The following NEBL variants were observed in gnomAD, a reference collection of about 807,000 sequenced individuals.
The protein encoded by NEBL is LIM and SH3 protein 2.
Under a neutral mutation model 140.2 loss-of-function variants are expected in NEBL, and 122 were observed. The observed-to-expected ratio is 0.87, with a 90% confidence interval of 0.75 to 1.01. The LOEUF (loss-of-function observed/expected upper bound fraction) is 1.01. NEBL is among the 50% of genes least tolerant of loss of function. The pLI is 0.00. For missense variants in NEBL, 1,365 were observed against 1,231.3 expected (o/e 1.11, Z -1.62); for synonymous variants, 436 against 398.9 (o/e 1.09, Z -1.11).
intron 2 of NEBL, among the ~76,000 whole-genome samples, chr10:21,171,335 C>CAA (rs576463516): frequency 3.1e-4 from 21 of 66,696 alleles, no homozygotes; most frequent in Admixed American, 1.9e-3. Context: ...ACTTCTGTCT[C>CAA]AAAAAAAAAA....
rs191016583 is a variant in NEBL at position 20,864,298 on chromosome 10, G to A, written c.684+4366C>T. On this transcript the variant is annotated intron_variant, in intron 7 of 27. Transcript: ENST00000377122. ...CATATGCACCAATCCCTTCATCTTC[G>A]CATAGGAGATTTTTGTTTTAGTTTT... 3.2e-3 allele frequency among the ~76,000 whole-genome samples: 489 copies of A among 152,210 alleles called. 2 individuals carry two copies. The highest frequency in any genetic ancestry group is 0.011 in the African/African-American group (458 of 41,544).
At chr10:20,894,812 C>T (rs940879323) in intron 2 of NEBL, among the ~76,000 whole-genome samples, 1 of 150,354 alleles carries the variant, frequency 6.7e-6, no homozygotes, top group Non-Finnish European at 1.5e-5. Context: ...GCCTGTGGTC[C>T]CGGCTACTCG....
At chr10:20,900,367 T>G (rs1473502002), upstream of NEBL, among the ~76,000 whole-genome samples, 1 of 152,070 alleles carries the variant, frequency 6.6e-6, no homozygotes, top group Non-Finnish European at 1.5e-5. Flanking sequence ...AAAAACTGAG[T>G]TGACAGAAGT....
chr10:20,900,378 T>C (rs1423906277), upstream of NEBL, among the ~76,000 whole-genome samples: 2 of 152,102 alleles, frequency 1.3e-5, no homozygotes, highest in Non-Finnish European at 2.9e-5. Context: ...TGACAGAAGT[T>C]AATAAAAAGA....
chr10:21,177,690 C>G (rs1231380094), upstream of NEBL, among the ~76,000 whole-genome samples: 1 of 151,922 alleles, frequency 6.6e-6, no homozygotes, highest in African/African-American at 2.4e-5. Flanking sequence ...CCACCACGCC[C>G]GGCTAATTTT....
upstream of NEBL, among the ~76,000 whole-genome samples, chr10:20,901,536 T>G (rs1847869094): frequency 6.6e-6 from 1 of 152,120 alleles, no homozygotes; most frequent in Admixed American, 6.5e-5. Flanking sequence ...AAATAAAAAT[T>G]TATAATAAAC....
chr10:21,032,748 C>T (rs552442536), intron 2 of NEBL, among the ~76,000 whole-genome samples: 4 of 152,184 alleles, frequency 2.6e-5, no homozygotes, highest in African/African-American at 9.6e-5. Flanking sequence ...GAATCCAAAC[C>T]CCTGGCTCTC....
intron 1 of NEBL, among the ~76,000 whole-genome samples, chr10:21,258,206 G>A (rs1842688514): frequency 6.6e-6 from 1 of 151,538 alleles, no homozygotes; most frequent in Non-Finnish European, 1.5e-5. Context: ...GAGGATGGCT[G>A]GAGCCCAGAT....
intron 4 of NEBL, among the ~76,000 whole-genome samples, chr10:20,951,096 C>CTAGAATGTT (rs1283988754): frequency 6.6e-6 from 1 of 152,068 alleles, no homozygotes; most frequent in Non-Finnish European, 1.5e-5. Context: ...ATAGGCAAAC[C>CTAGAATGTT]TTATCTCTAT....
chr10:20,973,767 C>A (rs1479148900), intron 3 of NEBL, among the ~76,000 whole-genome samples: 1 of 152,222 alleles, frequency 6.6e-6, no homozygotes, highest in Non-Finnish European at 1.5e-5. Flanking sequence ...GGAACTAGAA[C>A]CCAAAGTCTG....
chr10:21,081,769 A>G (rs188831768), intron 2 of NEBL, among the ~76,000 whole-genome samples: 11 of 152,332 alleles, frequency 7.2e-5, no homozygotes, highest in Admixed American at 2.6e-4. Flanking sequence ...GGATGTACCC[A>G]AAGAATGATG....
chr10:21,291,337 C>G (rs1189078826), intron 1 of NEBL, among the ~76,000 whole-genome samples: 1 of 151,704 alleles, frequency 6.6e-6, no homozygotes, highest in Non-Finnish European at 1.5e-5. Context: ...GAAACCCTGT[C>G]TCTACCAAAA....
intron 4 of NEBL, among the ~76,000 whole-genome samples, chr10:20,943,268 G>C (rs1432506416): frequency 2.6e-5 from 4 of 152,224 alleles, no homozygotes; most frequent in Non-Finnish European, 5.9e-5. Context: ...CATAAAAATT[G>C]ATGAGTTCAC....
At chr10:20,829,480 A>C (rs1397239356) in intron 16 of NEBL, among the ~76,000 whole-genome samples, 1 of 151,900 alleles carries the variant, frequency 6.6e-6, no homozygotes, top group Admixed American at 6.6e-5. Context: ...AGATATACCT[A>C]ATGCTAGATG....
At chr10:21,081,582 C>T (rs917109520) in intron 2 of NEBL, among the ~76,000 whole-genome samples, 6 of 152,090 alleles carry the variant, frequency 3.9e-5, no homozygotes, top group African/African-American at 1.4e-4. Context: ...TGAGAAGGTC[C>T]AGGAGCAATG....
intron 2 of NEBL, among the ~76,000 whole-genome samples, chr10:21,071,647 T>A (rs1835821757): frequency 6.6e-6 from 1 of 152,200 alleles, no homozygotes; most frequent in African/African-American, 2.4e-5. Context: ...TTCTAATGAC[T>A]GAAAGTGACT....
chr10:20,968,451 C>A (rs1225168321), intron 3 of NEBL, among the ~76,000 whole-genome samples: 1 of 152,070 alleles, frequency 6.6e-6, no homozygotes, highest in Non-Finnish European at 1.5e-5. Context: ...TTCAAGGCTG[C>A]AGTGAGCTAT....
intron 4 of NEBL, among the ~76,000 whole-genome samples, chr10:20,952,152 C>T (rs976261714): frequency 3.3e-5 from 5 of 152,118 alleles, no homozygotes; most frequent in African/African-American, 7.2e-5. Context: ...AATTAAGAAC[C>T]GGGGCCAGGC....
intron 9 of NEBL, among the ~76,000 whole-genome samples, chr10:20,853,914 G>A (rs371290087): frequency 2.6e-5 from 4 of 152,062 alleles, no homozygotes; most frequent in Admixed American, 6.6e-5. Flanking sequence ...AGAAAGAAAC[G>A]ACAAATGCTT....
Sources: allele counts gnomAD v4.1 joint callset (sites outside exome capture counted in the v4.1 genomes callset), GRCh38; gene constraint gnomAD v4.1.1; transcripts MANE v1.5; gene names NCBI Gene and HGNC (gene_info 2026-07-23, HGNC 2026-07-21).